PRKAG1: variants seen among roughly 807,000 people sequenced by gnomAD.
PRKAG1 encodes the protein 5'-AMP-activated protein kinase subunit gamma-1.
In PRKAG1, 27 loss-of-function variants were observed where a neutral mutation model predicts 48.2. The ratio of observed to expected loss-of-function variants is 0.56; its 90% confidence interval spans 0.41 to 0.77. PRKAG1 has a LOEUF of 0.77. Ranked by LOEUF, PRKAG1 falls within the 30% of genes least tolerant of loss-of-function variation. The pLI, the probability that PRKAG1 is intolerant of heterozygous loss-of-function variation, is 0.00. For missense variants in PRKAG1, 287 were observed against 398.3 expected (o/e 0.72, Z 2.38); for synonymous variants, 130 against 147.7 (o/e 0.88, Z 0.87).
chr12:49,006,397 C>T (rs1941539015), intron 2 of PRKAG1, among the ~76,000 whole-genome samples: 1 of 151,932 alleles, frequency 6.6e-6, no homozygotes, highest in Non-Finnish European at 1.5e-5. Flanking sequence ...TATTCTAAGA[C>T]CTGCAAATGG....
In PRKAG1 at chr12:49,005,849, G is replaced by C; in HGVS notation, c.62C>G (p.Thr21Ser). ...ATACACGCTATTGTTGGATTCTGGG[G>C]TCTCTGCATAGGGTGGGATAGTTAG... is the stretch of plus-strand genomic sequence containing the variant. ...PAVENEHPQE[T>S]PESNNSVYTS... Residue 21 changes from threonine to serine, a missense_variant, in exon 3 of 12, where the codon ACC (threonine) becomes AGC (serine). By Grantham distance (58) the Thr-to-Ser change is moderately conservative. Around this residue, in one of 2 missense-constraint regions of PRKAG1, gnomAD observed 63 missense variants for 54.0 expected, o/e 1.17. Transcript: ENST00000548065. This position sits in a 1 kb window ranked among gnomAD's most constrained non-coding sequence, Gnocchi z 4.1. 1.2e-6 allele frequency: 2 copies of C among 1,600,988 alleles called. No individual in the cohort carries two copies. Among genetic ancestry groups the C allele is most frequent in the Non-Finnish European group, 1.7e-6 (2 of 1,172,642 alleles).
chr12:49,002,882 T>C lies in PRKAG1; in HGVS notation c.*17A>G. ...GTTGGGCATATCCCCTGGTGCTGCA[T>C]GACCCCTTCCCCCAGCTCAGGGCTT... On this transcript the variant is annotated 3_prime_UTR_variant, in exon 12 of 12. Coordinates refer to ENST00000548065, the MANE Select transcript of PRKAG1 (RefSeq NM_002733.5). The C allele has an allele frequency of 6.2e-7, 1 of 1,605,858 alleles. No homozygotes were observed. Among genetic ancestry groups the C allele is most frequent in the South Asian group, 1.1e-5 (1 of 90,902 alleles).
intron 2 of PRKAG1, chr12:49,009,173 G>T (rs934837105): frequency 6.6e-6 from 1 of 150,610 alleles, no homozygotes; most frequent in Non-Finnish European, 1.5e-5. Flanking sequence ...ACCCAGGCTG[G>T]AGTACAATGG....
At chr12:49,012,336 T>C (rs1941792609) in intron 2 of PRKAG1, among the ~76,000 whole-genome samples, 2 of 152,128 alleles carry the variant, frequency 1.3e-5, no homozygotes, top group African/African-American at 4.8e-5. Flanking sequence ...GTGCTTCTAT[T>C]ACTAGATTAG....
intron 1 of PRKAG1, chr12:49,016,588 T>A (rs1941983643): frequency 6.5e-6 from 1 of 152,708 alleles, no homozygotes; most frequent in Non-Finnish European, 1.5e-5. Context: ...CAGCCTTAAT[T>A]TAGGCTTTTA....
rs2137656738 is a variant in PRKAG1, at chr12:49,005,201, T to G, written c.310-36A>C. 1.2e-6 allele frequency: 2 copies of G among 1,613,788 alleles called. No homozygotes were observed. The highest frequency in any genetic ancestry group is 2.2e-5 in the South Asian group (2 of 91,068). ...AAGCAACAGAATTTGAGACCTGATC[T>G]CTCTGCTTCCTTAAGCCCTCGTGGC... On this transcript the variant is annotated intron_variant, in intron 5 of 11. Coordinates refer to ENST00000548065, the MANE Select transcript of PRKAG1 (RefSeq NM_002733.5). The surrounding 1 kb of genome is among the most constrained non-coding windows in gnomAD (Gnocchi z 4.1).
chr12:49,018,432 T>G, intron 1 of PRKAG1: 3 of 1,304,374 alleles, frequency 2.3e-6, no homozygotes, highest in Non-Finnish European at 2.0e-6. Context: ...GAGGTGCCAA[T>G]AGGAAAGGAG....
At chr12:49,008,776 GTGT>G (rs1174938259) in intron 2 of PRKAG1, among the ~76,000 whole-genome samples, 1 of 152,146 alleles carries the variant, frequency 6.6e-6, no homozygotes, top group African/African-American at 2.4e-5. Context: ...CTAGCTGCTG[GTGT>G]TGTTGAGAGT....
At chr12:49,017,177 A>G (rs1015523919) in intron 1 of PRKAG1, 14 of 455,930 alleles carry the variant, frequency 3.1e-5, no homozygotes, top group African/African-American at 2.2e-4. Flanking sequence ...GTTAGGCTGA[A>G]CATTTTCAAA....
intron 1 of PRKAG1, among the ~76,000 whole-genome samples, chr12:49,013,563 T>C (rs1324874221): frequency 6.6e-6 from 1 of 152,060 alleles, no homozygotes; most frequent in Non-Finnish European, 1.5e-5. Context: ...TCTTCAGAAA[T>C]ATGATCTCAT....
chr12:49,004,725 TG>T, intron 7 of PRKAG1, 92 bp from the exon 8 acceptor site: 1 of 1,565,432 alleles, frequency 6.4e-7, no homozygotes, highest in Non-Finnish European at 8.7e-7. Flanking sequence ...CAGGGAAAAC[TG>T]ATGGTTAGGG....
rs779861314 is a variant in PRKAG1 at position 49,013,080 on chromosome 12, C to T, written c.40G>A (p.Glu14Lys). 3.0e-5 allele frequency: 49 copies of T among 1,613,608 alleles called. No individual in the cohort carries two copies. Among genetic ancestry groups the T allele is most frequent in the Admixed American group, 2.2e-4 (13 of 59,976 alleles). ...VISSDSSPAV[E>K]NEHPQETPES... ...AACTTACCTTGAGGATGCTCATTTT[C>T]CACAGCTGGGGAGCTATCTGAAGAA... Residue 14 changes from glutamate (E) to lysine (K), a missense_variant, in exon 2 of 12, where the codon GAA becomes AAA. Physicochemically the swap from Glu to Lys is moderately conservative, Grantham distance 56 (BLOSUM62 1). Around this residue, in one of 2 missense-constraint regions of PRKAG1, gnomAD observed 63 missense variants for 54.0 expected, o/e 1.17. Coordinates refer to ENST00000548065, the MANE Select transcript of PRKAG1 (RefSeq NM_002733.5).
intron 1 of PRKAG1, among the ~76,000 whole-genome samples, chr12:49,014,513 G>A (rs1941891393): frequency 6.6e-6 from 1 of 152,230 alleles, no homozygotes; most frequent in Non-Finnish European, 1.5e-5. Context: ...AGGCATAGTT[G>A]TAGGCACTAG....
intron 7 of PRKAG1, 91 bp downstream of exon 7, chr12:49,004,870 CTCT>C: frequency 8.1e-7 from 1 of 1,237,696 alleles, no homozygotes; most frequent in Non-Finnish European, 1.2e-6. Flanking sequence ...TGTCTTTTCT[CTCT>C]TCTTCCCCTT....
chr12:49,016,080 G>A (rs1195373698), intron 1 of PRKAG1, among the ~76,000 whole-genome samples: 1 of 151,932 alleles, frequency 6.6e-6, no homozygotes, highest in Non-Finnish European at 1.5e-5. Context: ...TGGGACTACA[G>A]GAACATACCA....
rs146782835 is a variant in PRKAG1 at position 49,004,093 on chromosome 12, C to T, written c.538-171G>A. Reference sequence around the variant, plus strand: ...TTGCTTGAGCCCAGGAGTTCGAGACCAGCCTGGGCAACATGGCAAAACCCT... The same window carrying T: ...TTGCTTGAGCCCAGGAGTTCGAGACTAGCCTGGGCAACATGGCAAAACCCT... On this transcript the variant is annotated intron_variant, in intron 8 of 11. Transcript: ENST00000548065. The T allele has an allele frequency of 2.3e-3, 1,980 of 844,264 alleles. 31 individuals are homozygous for T. The African/African-American group carries it at 0.029, about 12-fold the overall frequency. The allele number at this position is 844,264 out of a possible 1,614,324, so 52.3% of individuals were successfully genotyped here.
intron 11 of PRKAG1, 37 bp from the exon 12 acceptor site, chr12:49,003,043 G>C (rs746105252): frequency 1.2e-6 from 2 of 1,613,098 alleles, no homozygotes; most frequent in South Asian, 1.1e-5. Flanking sequence ...GGAATGTTTA[G>C]TGCTGGCCTC....
intron 1 of PRKAG1, 123 bp from the exon 2 acceptor site, chr12:49,013,233 C>T: frequency 2.5e-6 from 2 of 816,268 alleles, no homozygotes; most frequent in Non-Finnish European, 3.9e-6. Context: ...GCCACTGCCC[C>T]CGCCAAACCC....
intron 2 of PRKAG1, among the ~76,000 whole-genome samples, chr12:49,010,832 A>T (rs1052966758): frequency 3.3e-5 from 5 of 149,770 alleles, no homozygotes; most frequent in Admixed American, 6.7e-5. Context: ...TTGGGAATAT[A>T]TATTCAATGT....
Sources: gnomAD v4.1 joint callset for allele counts (sites outside exome capture counted in the v4.1 genomes callset) on GRCh38, gnomAD v4.1.1 for gene constraint, gnomAD v4.1.1 regional missense constraint, Gnocchi (gnomAD v3.1) non-coding constraint, MANE v1.5 for transcripts, NCBI Gene and HGNC (gene_info 2026-07-23, HGNC 2026-07-21) for gene names.